The following ITPK1 variants were observed in gnomAD, a reference collection of about 807,000 sequenced individuals.
The protein encoded by ITPK1 is inositol 1,3,4-trisphosphate 5/6-kinase.
In ITPK1, 21 loss-of-function variants were observed where a neutral mutation model predicts 45.3. That is an observed-to-expected ratio of 0.46 (90% CI 0.33 to 0.67). ITPK1 has a LOEUF of 0.67. Ranked by LOEUF, ITPK1 falls within the 30% of genes least tolerant of loss-of-function variation. ITPK1 has a pLI of 0.02. For synonymous variants in ITPK1, 258 were observed against 253.6 expected, an observed-to-expected ratio of 1.02 and a Z score of -0.16; for missense variants, 474 against 573.5, an observed-to-expected ratio of 0.83 and a Z score of 1.77.
rs1239724258 is a variant in ITPK1, at chr14:92,941,730, G to T, written c.1076C>A (p.Pro359His). The T allele has an allele frequency of 6.3e-7, 1 of 1,590,708 alleles. No homozygotes were observed. The highest frequency in any genetic ancestry group is 8.5e-7 in the Non-Finnish European group (1 of 1,170,604). ...LVGERTCSASPGCCGSMMGQD... is the reference protein window; with the variant it reads ...LVGERTCSASHGCCGSMMGQD... ...GCCCATCATGCTGCCGCAGCAGCCG[G>T]GGCTGGCGCTGCATGTCCGCTCGCC... The change falls in exon 11 of 11, where the codon CCC becomes CAC. Residue 359 changes from proline to histidine, a missense_variant. By Grantham distance (77) the Pro-to-His change is moderately conservative. Transcript: ENST00000267615.
intron 3 of ITPK1, among the ~76,000 whole-genome samples, chr14:93,020,196 C>A (rs1021544920): frequency 6.6e-6 from 1 of 152,336 alleles, no homozygotes; most frequent in Middle Eastern, 3.4e-3. Context: ...GGAGACGGCA[C>A]AAAGGCCTGC....
At chr14:93,046,628 G>A (rs1389529261) in intron 3 of ITPK1, among the ~76,000 whole-genome samples, 1 of 152,062 alleles carries the variant, frequency 6.6e-6, no homozygotes, top group Non-Finnish European at 1.5e-5. Context: ...CAAGCAAACA[G>A]AAACATCTCC....
intron 4 of ITPK1, among the ~76,000 whole-genome samples, chr14:93,008,821 G>A (rs577602794): frequency 1.8e-4 from 28 of 152,318 alleles, no homozygotes; most frequent in African/African-American, 5.3e-4. Flanking sequence ...CCTTTCTGCC[G>A]CAGGTACTAA....
At chr14:93,006,857 A>G (rs1317264811) in intron 4 of ITPK1, among the ~76,000 whole-genome samples, 1 of 152,022 alleles carries the variant, frequency 6.6e-6, no homozygotes, top group East Asian at 1.9e-4. Context: ...TGAAAACAAT[A>G]CCTCCCCTCT....
intron 9 of ITPK1, among the ~76,000 whole-genome samples, chr14:92,948,198 A>C (rs1010757642): frequency 2.0e-5 from 3 of 152,094 alleles, no homozygotes; most frequent in Non-Finnish European, 4.4e-5. Flanking sequence ...GGTGGGGGAA[A>C]TGGGGAGTGA....
chr14:93,019,310 G>A (rs1392451987), intron 3 of ITPK1, among the ~76,000 whole-genome samples: 3 of 152,186 alleles, frequency 2.0e-5, no homozygotes, highest in Non-Finnish European at 4.4e-5. Flanking sequence ...GCTGGGGAAG[G>A]AGGTGAGCAG....
chr14:92,981,039 A>C (rs1886203498), intron 5 of ITPK1, among the ~76,000 whole-genome samples: 1 of 152,006 alleles, frequency 6.6e-6, no homozygotes, highest in African/African-American at 2.4e-5. Context: ...CGCCGTGGAG[A>C]CACCTGGCCC....
intron 8 of ITPK1, among the ~76,000 whole-genome samples, chr14:92,957,076 C>G (rs183104636): frequency 8.5e-4 from 130 of 152,378 alleles, no homozygotes; most frequent in African/African-American, 2.6e-3. Flanking sequence ...GGAAGAAGGG[C>G]TGAGAGGGCA....
intron 8 of ITPK1, 92 bp from the exon 9 acceptor site, chr14:92,952,105 G>T: frequency 9.8e-7 from 1 of 1,020,688 alleles, no homozygotes. Flanking sequence ...ATCACCCCAG[G>T]CACACAACAC....
chr14:92,993,265 A>G (rs1293395560), intron 5 of ITPK1, among the ~76,000 whole-genome samples: 2 of 152,258 alleles, frequency 1.3e-5, no homozygotes, highest in East Asian at 3.8e-4. Context: ...GGTTACTGTT[A>G]ACATGAATCT....
chr14:93,059,616 T>G (rs966929679), intron 3 of ITPK1, among the ~76,000 whole-genome samples: 1 of 3,598 alleles, frequency 2.8e-4, no homozygotes, highest in Non-Finnish European at 4.8e-4. Flanking sequence ...GAGGCAGGGG[T>G]GGAGGGGGTG....
At chr14:93,101,727 G>T (rs1892329472) in intron 2 of ITPK1, among the ~76,000 whole-genome samples, 1 of 152,194 alleles carries the variant, frequency 6.6e-6, no homozygotes, top group Non-Finnish European at 1.5e-5. Flanking sequence ...GCGTGCGCTT[G>T]TGACTCCAGC....
chr14:92,995,651 C>G (rs537161841), intron 4 of ITPK1, among the ~76,000 whole-genome samples: 37 of 152,304 alleles, frequency 2.4e-4, no homozygotes, highest in African/African-American at 8.7e-4. Context: ...CACCCCTTAG[C>G]CATCCTCTCC....
At chr14:93,047,385 A>G (rs979644235) in intron 3 of ITPK1, among the ~76,000 whole-genome samples, 6 of 152,226 alleles carry the variant, frequency 3.9e-5, no homozygotes, top group Admixed American at 3.3e-4. Flanking sequence ...ACCTATGAAC[A>G]TGATCTTACT....
intron 3 of ITPK1, among the ~76,000 whole-genome samples, chr14:93,075,481 A>C (rs922582117): frequency 1.3e-5 from 2 of 152,022 alleles, no homozygotes; most frequent in Non-Finnish European, 2.9e-5. Context: ...CCCCAAAACA[A>C]ATCTCAGTCT....
intron 6 of ITPK1, among the ~76,000 whole-genome samples, 174 bp from the exon 7 acceptor site, chr14:92,962,569 T>C (rs1461810347): frequency 6.6e-6 from 1 of 152,152 alleles, no homozygotes. Flanking sequence ...GGAGAGCACG[T>C]TGACCTGTGT....
intron 4 of ITPK1, among the ~76,000 whole-genome samples, chr14:92,995,499 C>T (rs893868810): frequency 7.2e-5 from 11 of 152,250 alleles, no homozygotes; most frequent in African/African-American, 2.7e-4. Context: ...CTGAAATCAG[C>T]CTCTCCTTGG....
At chr14:93,088,075 G>A (rs999933697) in intron 2 of ITPK1, among the ~76,000 whole-genome samples, 4 of 152,174 alleles carry the variant, frequency 2.6e-5, no homozygotes, top group Admixed American at 6.5e-5. Flanking sequence ...GCGCTTCATC[G>A]GCTACCCGAG....
intron 3 of ITPK1, among the ~76,000 whole-genome samples, chr14:93,024,201 G>A (rs1888616987): frequency 6.6e-6 from 1 of 152,192 alleles, no homozygotes; most frequent in Non-Finnish European, 1.5e-5. Context: ...AGGCCTGGAG[G>A]AAGGAACTCG....
Sources: gnomAD v4.1 joint callset for allele counts (sites outside exome capture counted in the v4.1 genomes callset) on GRCh38, gnomAD v4.1.1 for gene constraint, MANE v1.5 for transcripts, NCBI Gene and HGNC (gene_info 2026-07-23, HGNC 2026-07-21) for gene names.